The following NNT variants were observed in gnomAD, a reference collection of about 807,000 sequenced individuals.
The protein encoded by NNT is nicotinamide nucleotide transhydrogenase.
A neutral mutation model predicts 104.8 loss-of-function variants in NNT; 50 were observed. The observed-to-expected ratio is 0.48, with a 90% CI of 0.38 to 0.60. NNT has a LOEUF of 0.60. Among genes scored for constraint, NNT ranks in the 20% least tolerant of loss-of-function variants. The pLI is 0.00. For missense variants in NNT, 1,131 were observed against 1,330.7 expected, an observed-to-expected ratio of 0.85 and a Z score of 2.33; for synonymous variants, 461 against 490.4, an observed-to-expected ratio of 0.94 and a Z score of 0.79.
At chr5:43,662,785 T>TG (rs983169513) in intron 17 of NNT, among the ~76,000 whole-genome samples, 2 of 151,058 alleles carry the variant, frequency 1.3e-5, no homozygotes, top group Non-Finnish European at 2.9e-5. Flanking sequence ...CCCAGCTACT[T>TG]GGGGGGCTGA....
intron 7 of NNT, among the ~76,000 whole-genome samples, chr5:43,629,759 G>A: frequency 6.6e-6 from 1 of 152,046 alleles, no homozygotes; most frequent in South Asian, 2.1e-4. Flanking sequence ...ATGTTCGTTG[G>A]CCATTTGTAT....
chr5:43,699,809 A>T (rs2303733), intron 19 of NNT, among the ~76,000 whole-genome samples: 2 of 152,152 alleles, frequency 1.3e-5, no homozygotes, highest in African/African-American at 4.8e-5. Flanking sequence ...GAACACAGTG[A>T]TTTTTAAATG....
intron 17 of NNT, among the ~76,000 whole-genome samples, chr5:43,671,203 A>C (rs997856255): frequency 5.3e-5 from 8 of 152,182 alleles, no homozygotes; most frequent in Non-Finnish European, 1.2e-4. Context: ...AGTCTTGTGA[A>C]TACAGCACAC....
At chr5:43,634,486 C>A (rs989511369) in intron 7 of NNT, among the ~76,000 whole-genome samples, 5 of 152,092 alleles carry the variant, frequency 3.3e-5, no homozygotes, top group Non-Finnish European at 5.9e-5. Context: ...GCATTATGAT[C>A]ATAAAGGACA....
At chr5:43,679,168 A>C (rs945272737) in intron 19 of NNT, among the ~76,000 whole-genome samples, 1 of 152,214 alleles carries the variant, frequency 6.6e-6, no homozygotes, top group Non-Finnish European at 1.5e-5. Context: ...TAAAGCCATC[A>C]TTTTGCTGCT....
chr5:43,689,470 G>A (rs1210620229), intron 19 of NNT, among the ~76,000 whole-genome samples: 2 of 152,148 alleles, frequency 1.3e-5, no homozygotes, highest in East Asian at 3.8e-4. Context: ...CCTCACCTAA[G>A]CCAATGTCTA....
chr5:43,604,541 A>C (rs1749102916), intron 1 of NNT, among the ~76,000 whole-genome samples: 1 of 152,202 alleles, frequency 6.6e-6, no homozygotes, highest in South Asian at 2.1e-4. Context: ...GCTTAAGGTC[A>C]CCTAGCCCTA....
intron 1 of NNT, among the ~76,000 whole-genome samples, chr5:43,606,345 T>C (rs1318428606): frequency 1.3e-5 from 2 of 152,192 alleles, no homozygotes; most frequent in Admixed American, 1.3e-4. Context: ...TACACATCTT[T>C]GCAACTCCCT....
At chr5:43,661,715 C>T (rs1003454416) in intron 17 of NNT, among the ~76,000 whole-genome samples, 1 of 151,790 alleles carries the variant, frequency 6.6e-6, no homozygotes, top group Non-Finnish European at 1.5e-5. Flanking sequence ...CCAATTTCAT[C>T]CATGTCCCTA....
At chr5:43,669,279 T>A (rs1415545538) in intron 17 of NNT, among the ~76,000 whole-genome samples, 2 of 152,122 alleles carry the variant, frequency 1.3e-5, no homozygotes, top group African/African-American at 2.4e-5. Flanking sequence ...TATTTCTTTC[T>A]CCTGCCTGAT....
At chr5:43,666,348 T>G (rs996042241) in intron 17 of NNT, among the ~76,000 whole-genome samples, 2 of 151,986 alleles carry the variant, frequency 1.3e-5, no homozygotes, top group Non-Finnish European at 2.9e-5. Context: ...CCCGGCACCT[T>G]GGGAGGCCGA....
intron 7 of NNT, among the ~76,000 whole-genome samples, chr5:43,642,684 G>A (rs1580018709): frequency 6.6e-6 from 1 of 152,224 alleles, no homozygotes. Flanking sequence ...CACCCAGGGT[G>A]AGAGGCATTT....
intron 7 of NNT, among the ~76,000 whole-genome samples, chr5:43,634,292 AAAT>A (rs1469085917): frequency 6.6e-6 from 1 of 152,156 alleles, no homozygotes; most frequent in African/African-American, 2.4e-5. Flanking sequence ...TATGGAGTGG[AAAT>A]ATAGCGCAAA....
At chr5:43,629,450 G>A (rs1750560884) in intron 7 of NNT, among the ~76,000 whole-genome samples, 1 of 152,176 alleles carries the variant, frequency 6.6e-6, no homozygotes, top group African/African-American at 2.4e-5. Context: ...TGTATGCAAT[G>A]TCTTTTCTAT....
At chr5:43,697,348 A>G (rs1742611700) in intron 19 of NNT, among the ~76,000 whole-genome samples, 1 of 152,100 alleles carries the variant, frequency 6.6e-6, no homozygotes, top group South Asian at 2.1e-4. Context: ...TCCATCTGAG[A>G]CCACCTCAGC....
In NNT at chr5:43,609,211, A is replaced by C. The variant is rs778531642; in HGVS notation, c.16A>C (p.Lys6Gln). The change falls in exon 2 of 22, where the codon AAA becomes CAA. Residue 6 changes from lysine to glutamine, a missense_variant. By Grantham distance (53) the Lys-to-Gln change is moderately conservative. Coordinates refer to ENST00000344920, the MANE Select transcript of NNT (RefSeq NM_182977.3). Reference protein sequence around the residue: MANLLKTVVTGCSCPL... With the variant: MANLLQTVVTGCSCPL... ...TCATATCAACATGGCAAACCTATTGAAAACAGTGGTGACTGGCTGCTCGTG... is the reference window on the plus strand; with the variant it reads ...TCATATCAACATGGCAAACCTATTGCAAACAGTGGTGACTGGCTGCTCGTG... 6.2e-7 allele frequency: 1 copy of C among 1,613,740 alleles called. No homozygotes were observed. The highest frequency in any genetic ancestry group is 8.5e-7 in the Non-Finnish European group (1 of 1,179,814).
chr5:43,647,260 A>T (rs1206658656), intron 10 of NNT, among the ~76,000 whole-genome samples: 1 of 152,212 alleles, frequency 6.6e-6, no homozygotes, highest in African/African-American at 2.4e-5. Context: ...ACTTGCACTT[A>T]TTTGTTAAAA....
chr5:43,635,835 T>C (rs1044173828), intron 7 of NNT, among the ~76,000 whole-genome samples: 1 of 152,084 alleles, frequency 6.6e-6, no homozygotes, highest in Non-Finnish European at 1.5e-5. Flanking sequence ...AATCACCTCT[T>C]TAAAGGCCCT....
chr5:43,673,212 C>G (rs1741224638), intron 17 of NNT, among the ~76,000 whole-genome samples: 1 of 152,216 alleles, frequency 6.6e-6, no homozygotes, highest in Admixed American at 6.5e-5. Flanking sequence ...AAAGGGTATT[C>G]CCTGACCCCT....
Sources: allele counts gnomAD v4.1 joint callset (sites outside exome capture counted in the v4.1 genomes callset), GRCh38; gene constraint gnomAD v4.1.1; transcripts MANE v1.5; gene names NCBI Gene and HGNC (gene_info 2026-07-23, HGNC 2026-07-21).